Variants in FNBP1L observed in about 807,000 individuals in gnomAD.
FNBP1L encodes the protein formin-binding protein 1-like.
A neutral mutation model predicts 91.2 loss-of-function variants in FNBP1L; 36 were observed. The observed-to-expected ratio is 0.39, with a 90% CI of 0.30 to 0.52. FNBP1L has a LOEUF of 0.52. Among genes scored for constraint, FNBP1L ranks in the 20% least tolerant of loss-of-function variants. The pLI, the probability that FNBP1L is intolerant of heterozygous loss-of-function variation, is 0.66. For missense variants in FNBP1L, 571 were observed against 732.1 expected (o/e 0.78, Z 2.54); for synonymous variants, 242 against 237.0 (o/e 1.02, Z -0.19).
At chr1:93,457,332 A>G (rs926384996) in intron 1 of FNBP1L, among the ~76,000 whole-genome samples, 1 of 152,092 alleles carries the variant, frequency 6.6e-6, no homozygotes, top group African/African-American at 2.4e-5. Context: ...CTTCCTTGGT[A>G]TCTGTGAGAC....
intron 1 of FNBP1L, among the ~76,000 whole-genome samples, chr1:93,495,144 A>G (rs1323747384): frequency 6.6e-6 from 1 of 152,218 alleles, no homozygotes; most frequent in East Asian, 1.9e-4. Context: ...AAATTATCTC[A>G]GCAAATACTC....
chr1:93,553,755 C>T lies in FNBP1L; in HGVS notation c.*1339C>T, dbSNP rs536795821. The T allele has an allele frequency of 2.0e-5, 3 of 152,638 alleles. No homozygotes were observed. In the East Asian group the frequency reaches 5.8e-4, roughly 29 times the overall value. 9.5% of individuals were successfully genotyped at this position (152,638 alleles called of 1,614,324 possible). On this transcript the variant is annotated 3_prime_UTR_variant, in exon 17 of 17. Transcript: ENST00000271234. Reference sequence around the variant, plus strand: ...TTAGTGCTCCTGTTGCTCATGGTGTCCTGCCTCGCATTTGTGATTCTGTTA... The same window carrying T: ...TTAGTGCTCCTGTTGCTCATGGTGTTCTGCCTCGCATTTGTGATTCTGTTA...
At chr1:93,497,301 T>A (rs959368101) in intron 1 of FNBP1L, among the ~76,000 whole-genome samples, 1 of 152,236 alleles carries the variant, frequency 6.6e-6, no homozygotes, top group East Asian at 1.9e-4. Context: ...TAATATTTTC[T>A]GATTTAGTTT....
chr1:93,511,316 A>C (rs1670832349), intron 2 of FNBP1L, among the ~76,000 whole-genome samples: 1 of 152,196 alleles, frequency 6.6e-6, no homozygotes, highest in Non-Finnish European at 1.5e-5. Context: ...TTCTTAAAGA[A>C]AAGAATTTTC....
chr1:93,464,123 A>G (rs909180368), intron 1 of FNBP1L, among the ~76,000 whole-genome samples: 3 of 152,176 alleles, frequency 2.0e-5, no homozygotes, highest in Admixed American at 6.6e-5. Context: ...ACCCTTGTGC[A>G]CTTTTGGTAG....
At chr1:93,529,479 T>TGTGCAGGAC (rs1436130413) in intron 5 of FNBP1L, among the ~76,000 whole-genome samples, 173 bp from the exon 6 acceptor site, 2 of 152,150 alleles carry the variant, frequency 1.3e-5, no homozygotes, top group Non-Finnish European at 2.9e-5. Context: ...CTGGGATACA[T>TGTGCAGGAC]GTGCAGGACG....
chr1:93,523,049 G>T (rs950821448), intron 3 of FNBP1L, among the ~76,000 whole-genome samples: 1 of 152,182 alleles, frequency 6.6e-6, no homozygotes, highest in African/African-American at 2.4e-5. Flanking sequence ...AGGCCAGTCA[G>T]TTGGCAACTT....
In FNBP1L at chr1:93,534,834, A is replaced by T. The variant is rs766553618; in HGVS notation, c.916A>T (p.Ser306Cys). The change falls in exon 9 of 17, where the codon AGT (serine) becomes TGT (cysteine). Residue 306 changes from serine (S) to cysteine (C), a missense_variant. Ser to Cys is a moderately radical substitution (Grantham distance 112). Coordinates refer to ENST00000271234, the MANE Select transcript of FNBP1L (RefSeq NM_001164473.3). Reference protein sequence around the residue: ...DGTISASKQESGKMDAKTTVG... With the variant: ...DGTISASKQECGKMDAKTTVG... ...GACTATCAGTGCATCCAAACAGGAG[A>T]GTGGGAAGATGGATGCCAAAACCAC... 3.2e-6 allele frequency: 5 copies of T among 1,579,398 alleles called. No individual in the cohort carries two copies. The East Asian group carries it at 1.2e-4, about 36-fold the overall frequency.
chr1:93,459,058 T>TG (rs1402909922), intron 1 of FNBP1L, among the ~76,000 whole-genome samples: 2 of 152,122 alleles, frequency 1.3e-5, no homozygotes, highest in African/African-American at 4.8e-5. Flanking sequence ...GTGGATCCCT[T>TG]GAGGCCAGAG....
chr1:93,506,041 C>G (rs755896840), intron 2 of FNBP1L, among the ~76,000 whole-genome samples: 1 of 152,068 alleles, frequency 6.6e-6, no homozygotes, highest in Non-Finnish European at 1.5e-5. Flanking sequence ...AGAGAAGATT[C>G]GTGGCCGAAA....
chr1:93,504,673 T>G (rs1670547704), intron 2 of FNBP1L, among the ~76,000 whole-genome samples: 1 of 152,220 alleles, frequency 6.6e-6, no homozygotes, highest in African/African-American at 2.4e-5. Context: ...GTAGCCACCC[T>G]AATCGGTGTG....
rs1434154962 is a variant in FNBP1L at position 93,530,805 on chromosome 1, T to C, written c.561T>C (p.Asn187=). ...LRTHMADENK[N]EYAAQLQNFN... ...CGCATATGGCCGATGAAAATAAAAA[T>C]GAATATGCTGCACAATTACAAAACT... Residue 187 remains asparagine (N), a synonymous_variant, in exon 7 of 17, where the codon AAT becomes AAC. Transcript: ENST00000271234. 2.8e-5 allele frequency: 44 copies of C among 1,579,538 alleles called. No homozygotes were observed. The highest frequency in any genetic ancestry group is 3.4e-5 in the Non-Finnish European group (40 of 1,160,826).
chr1:93,505,112 T>TTC (rs1670565899), intron 2 of FNBP1L, among the ~76,000 whole-genome samples: 1 of 146,274 alleles, frequency 6.8e-6, no homozygotes, highest in African/African-American at 2.5e-5. Flanking sequence ...GCTTCATTCT[T>TTC]TTTTTTTTTT....
chr1:93,552,407 A>G lies in FNBP1L; in HGVS notation c.1811-2A>G. 1 of 1,612,384 alleles carries G rather than the reference A, an allele frequency of 6.2e-7. No homozygotes were observed. The highest frequency in any genetic ancestry group is 8.5e-7 in the Non-Finnish European group (1 of 1,179,222). On this transcript the variant is annotated splice_acceptor_variant, in intron 16 of 16. Transcript: ENST00000271234. LOFTEE classifies it high-confidence loss of function. ...TCTTTTCTTTTTCCTCCTGGACTGC[A>G]GGTTCCTGAAGAGGGTTTCTGAGGA...
intron 6 of FNBP1L, among the ~76,000 whole-genome samples, chr1:93,530,412 G>A (rs114275508): frequency 0.012 from 1,786 of 152,096 alleles, 10 homozygotes; most frequent in Non-Finnish European, 0.017. Flanking sequence ...AAAGCACACT[G>A]TTTCAAGCTA....
rs1672150951 is a variant in FNBP1L at position 93,544,497 on chromosome 1, TCTTATA to T, written c.1274+285_1274+290del. The stretch of plus-strand genomic sequence containing the variant: ...CAAGAGTAGTTTCATCAGCACTACC[TCTTATA>T]CTTTGATATATTTTCATTTTGCTTT... On this transcript the variant is annotated intron_variant, in intron 12 of 16. Coordinates refer to ENST00000271234, the MANE Select transcript of FNBP1L (RefSeq NM_001164473.3). 2.6e-5 allele frequency among the ~76,000 whole-genome samples: 4 copies of T among 152,154 alleles called. No homozygotes were observed. The South Asian group carries it at 6.2e-4, about 24-fold the overall frequency.
intron 5 of FNBP1L, among the ~76,000 whole-genome samples, chr1:93,525,064 G>C (rs1179064073): frequency 1.8e-5 from 2 of 110,120 alleles, no homozygotes; most frequent in Non-Finnish European, 4.5e-5. Flanking sequence ...CATGGGATTA[G>C]AGTCAAAAAA....
chr1:93,549,257 A>C, intron 14 of FNBP1L, 21 bp from the exon 15 acceptor site: 1 of 1,588,598 alleles, frequency 6.3e-7, no homozygotes, highest in South Asian at 1.2e-5. Context: ...ACTTGATCAG[A>C]GATAATTTTT....
At chr1:93,507,683 C>T (rs1174147564) in intron 2 of FNBP1L, among the ~76,000 whole-genome samples, 5 of 152,230 alleles carry the variant, frequency 3.3e-5, no homozygotes, top group East Asian at 3.9e-4. Flanking sequence ...GAGTTTCACG[C>T]TTTCTCCCAG....
Sources: allele counts gnomAD v4.1 joint callset (sites outside exome capture counted in the v4.1 genomes callset), GRCh38; gene constraint gnomAD v4.1.1; transcripts MANE v1.5; gene names NCBI Gene and HGNC (gene_info 2026-07-23, HGNC 2026-07-21).